The following LUZP2 variants were observed in gnomAD, a reference collection of about 807,000 sequenced individuals.
LUZP2 encodes leucine zipper protein 2.
A neutral mutation model predicts 51.6 loss-of-function variants in LUZP2; 52 were observed. That is an observed-to-expected ratio of 1.01 (90% CI 0.81 to 1.27). The LOEUF (loss-of-function observed/expected upper bound fraction) is 1.27, where lower values mean the gene tolerates loss of function less well. Ranked by LOEUF, LUZP2 falls within the 50% of genes most tolerant of loss-of-function variation. The pLI is 0.00. For synonymous variants in LUZP2, 154 were observed against 137.3 expected, an observed-to-expected ratio of 1.12 and a Z score of -0.85; for missense variants, 436 against 395.4, an observed-to-expected ratio of 1.10 and a Z score of -0.87.
At chr11:24,602,178 GTGTATATA>G (rs1392856977) in intron 1 of LUZP2, among the ~76,000 whole-genome samples, 4 of 112,044 alleles carry the variant, frequency 3.6e-5, no homozygotes, top group Non-Finnish European at 5.5e-5. Flanking sequence ...GTATATATAT[GTGTATATA>G]TGTATATATG....
intron 7 of LUZP2, among the ~76,000 whole-genome samples, chr11:24,930,707 A>T (rs1235550039): frequency 6.6e-6 from 1 of 152,170 alleles, no homozygotes; most frequent in Non-Finnish European, 1.5e-5. Flanking sequence ...TGCCTAGGTG[A>T]TAATCTTTTT....
At chr11:24,714,945 C>A (rs1351373234) in intron 1 of LUZP2, among the ~76,000 whole-genome samples, 5 of 152,116 alleles carry the variant, frequency 3.3e-5, no homozygotes, top group African/African-American at 1.2e-4. Context: ...AGTCTACAGA[C>A]CCCTCTGCAC....
intron 1 of LUZP2, among the ~76,000 whole-genome samples, chr11:24,512,910 C>T (rs948539729): frequency 3.3e-5 from 5 of 152,034 alleles, no homozygotes; most frequent in African/African-American, 9.7e-5. Flanking sequence ...CTGCCACGCC[C>T]AGCTAATTTT....
intron 5 of LUZP2, among the ~76,000 whole-genome samples, chr11:24,796,138 A>G (rs1251751572): frequency 6.6e-6 from 1 of 152,126 alleles, no homozygotes; most frequent in Non-Finnish European, 1.5e-5. Context: ...TCTGAAGCAC[A>G]ATTTGGTGAA....
Position 24,497,086 on chromosome 11 carries a change from C to T in LUZP2, c.-158C>T, listed in dbSNP as rs748755245. On this transcript the variant is annotated 5_prime_UTR_variant, in exon 1 of 12. Coordinates refer to ENST00000336930, the MANE Select transcript of LUZP2 (RefSeq NM_001009909.4). ...AGATACTCCTCGCTCCCAGCGCCTG[C>T]CTTCCCCAGGCGTCCGTTCGTGTGC... The T allele has an allele frequency of 3.8e-6, 2 of 530,720 alleles. No individual in the cohort carries two copies. The highest frequency in any genetic ancestry group is 3.1e-6 in the Non-Finnish European group (1 of 319,514). The allele number at this position is 530,720 out of a possible 1,614,324, so 32.9% of individuals were successfully genotyped here.
chr11:24,769,410 TAAC>T (rs1860317407), intron 5 of LUZP2, among the ~76,000 whole-genome samples: 1 of 152,194 alleles, frequency 6.6e-6, no homozygotes, highest in Non-Finnish European at 1.5e-5. Context: ...CACAAGGAAA[TAAC>T]AACTCTTTGA....
intron 1 of LUZP2, among the ~76,000 whole-genome samples, chr11:24,615,151 G>C (rs1434050936): frequency 6.6e-6 from 1 of 151,478 alleles, no homozygotes; most frequent in Non-Finnish European, 1.5e-5. Context: ...AAGTAATACA[G>C]AGAAATTCCA....
intron 5 of LUZP2, among the ~76,000 whole-genome samples, chr11:24,872,329 T>C (rs1368827981): frequency 6.6e-6 from 1 of 152,154 alleles, no homozygotes; most frequent in Non-Finnish European, 1.5e-5. Context: ...CTACTAATTA[T>C]GGGTACTTAT....
At chr11:25,030,158 A>G (rs1051157790) in intron 9 of LUZP2, among the ~76,000 whole-genome samples, 3 of 152,202 alleles carry the variant, frequency 2.0e-5, no homozygotes, top group African/African-American at 7.2e-5. Context: ...TCTTTAAGAA[A>G]TATGGCTAGT....
At chr11:24,682,586 A>ATG (rs748903860) in intron 1 of LUZP2, among the ~76,000 whole-genome samples, 20 of 96,904 alleles carry the variant, frequency 2.1e-4, no homozygotes, top group East Asian at 4.5e-4. Context: ...ATATATATAT[A>ATG]TGTGTGTGTG....
chr11:24,958,585 C>CT (rs1230568801), intron 7 of LUZP2, among the ~76,000 whole-genome samples: 1 of 151,954 alleles, frequency 6.6e-6, no homozygotes, highest in Non-Finnish European at 1.5e-5. Flanking sequence ...CCTTCACCCA[C>CT]TTTTTGATGG....
intron 5 of LUZP2, among the ~76,000 whole-genome samples, chr11:24,791,037 A>G (rs1211882621): frequency 6.6e-6 from 1 of 152,090 alleles, no homozygotes; most frequent in South Asian, 2.1e-4. Context: ...CAATATATTT[A>G]CCTGTATGTT....
intron 1 of LUZP2, among the ~76,000 whole-genome samples, chr11:24,616,475 A>ATGTGTG (rs61413263): frequency 0.018 from 1,803 of 98,508 alleles, 42 homozygotes; most frequent in African/African-American, 0.051. Context: ...TGGCGTGCGC[A>ATGTGTG]TGTGTGTGTG....
At chr11:24,792,788 C>G (rs1849443228) in intron 5 of LUZP2, among the ~76,000 whole-genome samples, 1 of 152,180 alleles carries the variant, frequency 6.6e-6, no homozygotes, top group Non-Finnish European at 1.5e-5. Flanking sequence ...GTTGTTCCTA[C>G]TCAATCCACA....
chr11:24,546,177 T>C (rs1027582850), intron 1 of LUZP2, among the ~76,000 whole-genome samples: 2 of 152,116 alleles, frequency 1.3e-5, no homozygotes, highest in Non-Finnish European at 2.9e-5. Flanking sequence ...TAAGGACCTT[T>C]TGGGCCAAGA....
chr11:24,652,754 T>C (rs1176445686), intron 1 of LUZP2, among the ~76,000 whole-genome samples: 1 of 152,164 alleles, frequency 6.6e-6, no homozygotes, highest in East Asian at 1.9e-4. Flanking sequence ...TATTCCTATA[T>C]AATAAATCGT....
At chr11:24,800,529 A>G (rs1167126075) in intron 5 of LUZP2, among the ~76,000 whole-genome samples, 2 of 140,462 alleles carry the variant, frequency 1.4e-5, no homozygotes, top group East Asian at 2.1e-4. Context: ...TCACATGCCT[A>G]TCATTTAACT....
intron 7 of LUZP2, among the ~76,000 whole-genome samples, chr11:24,920,808 A>G (rs2133815204): frequency 6.6e-6 from 1 of 152,212 alleles, no homozygotes; most frequent in Non-Finnish European, 1.5e-5. Context: ...TGGGGAAGGA[A>G]GGTACTGGAA....
intron 1 of LUZP2, among the ~76,000 whole-genome samples, chr11:24,570,635 T>C (rs1161125771): frequency 6.6e-6 from 1 of 151,994 alleles, no homozygotes. Flanking sequence ...TAAATAGATA[T>C]TTCACTTTAA....
Sources: allele counts gnomAD v4.1 joint callset (sites outside exome capture counted in the v4.1 genomes callset), GRCh38; gene constraint gnomAD v4.1.1; transcripts MANE v1.5; gene names NCBI Gene and HGNC (gene_info 2026-07-23, HGNC 2026-07-21).